Variants in COL7A1 observed in about 807,000 individuals in gnomAD.
COL7A1 encodes the protein collagen type VII alpha 1 chain.
COL7A1 carries 296 observed loss-of-function variants against 456.2 expected under a neutral mutation model. The observed-to-expected ratio is 0.65, with a 90% confidence interval of 0.59 to 0.71. The LOEUF is 0.71. Ranked by LOEUF, COL7A1 falls within the 30% of genes least tolerant of loss-of-function variation. The pLI is 0.00. For missense variants in COL7A1, 3,441 were observed against 4,017.2 expected (o/e 0.86, Z 3.88); for synonymous variants, 1,464 against 1,525.9 (o/e 0.96, Z 0.95).
Position 48,568,700 on chromosome 3 carries a change from C to T in COL7A1, c.7758+84G>A. On this transcript the variant is annotated intron_variant, in intron 104 of 118. Transcript: ENST00000681320. The surrounding 1 kb of genome is among the most constrained non-coding windows in gnomAD (Gnocchi z 5.2). ...GCAGCAAGGGAGCCAGAACCCCCAG[C>T]ACTTAAGAGGACCCCCAGGATATGT... 6.7e-7 allele frequency: 1 copy of T among 1,499,950 alleles called. No homozygotes were observed. Among genetic ancestry groups the T allele is most frequent in the Admixed American group, 2.0e-5 (1 of 50,898 alleles). The allele number at this position is 1,499,950 out of a possible 1,614,324, so 92.9% of individuals were successfully genotyped here.
Position 48,586,124 on chromosome 3 carries a change from C to T in COL7A1, c.3673G>A (p.Ala1225Thr). Residue 1225 changes from alanine (A) to threonine (T), a missense_variant, in exon 28 of 119, where the codon GCA becomes ACA. This residue lies in a region of COL7A1 where 2,084 missense variants were observed against 2,501.3 expected (regional missense o/e 0.83). Coordinates refer to ENST00000681320, the MANE Select transcript of COL7A1 (RefSeq NM_000094.4). This position sits in a 1 kb window ranked among gnomAD's most constrained non-coding sequence, Gnocchi z 5.1. ...AVDDGPSLDQ[A>T]VSGLATALCQ... The stretch of plus-strand genomic sequence containing the variant: ...AGGGCTGTGGCCAGACCACTGACTG[C>T]CTGGTCCAGGCTTGGCCCATCATCC... 1.9e-6 allele frequency: 3 copies of T among 1,613,530 alleles called. No homozygotes were observed. Among genetic ancestry groups the T allele is most frequent in the Non-Finnish European group, 2.5e-6 (3 of 1,180,032 alleles).
chr3:48,577,841 G>A (rs2107688352), intron 65 of COL7A1, among the ~76,000 whole-genome samples: 1 of 152,332 alleles, frequency 6.6e-6, no homozygotes, highest in South Asian at 2.1e-4. Flanking sequence ...AACTCCCTAT[G>A]TGTCTGTGAG....
At position 48,565,596 on chromosome 3, in the gene COL7A1, C is replaced by T. The variant is rs1214211333; in HGVS notation, c.8440+40G>A. On this transcript the variant is annotated intron_variant, in intron 115 of 118. Coordinates refer to ENST00000681320, the MANE Select transcript of COL7A1 (RefSeq NM_000094.4). The surrounding 1 kb of genome is among the most constrained non-coding windows in gnomAD (Gnocchi z 4.5). ...ACCCCAGTTGATAGGCAGGGCAGGG[C>T]CTGGGGTGAAGAAAGTTCTGGGAGT... 5 of 1,613,950 alleles carry T rather than the reference C, an allele frequency of 3.1e-6. No homozygotes were observed. The highest frequency in any genetic ancestry group is 2.5e-6 in the Non-Finnish European group (3 of 1,179,988).
At position 48,589,636 on chromosome 3, in the gene COL7A1, G is replaced by A. The variant is rs934402491; in HGVS notation, c.2133C>T (p.Gly711=). ...SVTITWTRVP[G]ATGYRVSWHS... is the part of the protein sequence containing the mutation. ...GCCAGGAAACCCTGTATCCTGTGGC[G>A]CCAGGAACCCTGGTCCAGGTAATGG... The change falls in exon 17 of 119, where the codon GGC becomes GGT. Residue 711 remains glycine, a synonymous_variant. Coordinates refer to ENST00000681320, the MANE Select transcript of COL7A1 (RefSeq NM_000094.4). The A allele has an allele frequency of 1.1e-5, 17 of 1,613,714 alleles. No individual in the cohort carries two copies. Among genetic ancestry groups the A allele is most frequent in the Admixed American group, 1.7e-5 (1 of 59,980 alleles).
In COL7A1 at chr3:48,586,318, A is replaced by T. The variant is rs756995907; in HGVS notation, c.3550+14T>A. The T allele has an allele frequency of 4.2e-5, 68 of 1,613,706 alleles. No homozygotes were observed. The highest frequency in any genetic ancestry group is 5.8e-5 in the Non-Finnish European group (68 of 1,179,968). On this transcript the variant is annotated intron_variant, in intron 27 of 118. Transcript: ENST00000681320. This position sits in a 1 kb window ranked among gnomAD's most constrained non-coding sequence, Gnocchi z 5.1. ...CCTATTCCCAGACCCCTTCCCCATCAGCCTACTCCTTACCAGAAGCCTGGG... is the reference window on the plus strand; with the variant it reads ...CCTATTCCCAGACCCCTTCCCCATCTGCCTACTCCTTACCAGAAGCCTGGG...
rs1189282483 is a variant in COL7A1, at chr3:48,578,524, A to C, written c.5425-9T>G. 2 of 1,611,326 alleles carry C rather than the reference A, an allele frequency of 1.2e-6. No individual in the cohort carries two copies. The highest frequency in any genetic ancestry group is 2.2e-5 in the South Asian group (2 of 90,996). On this transcript the variant is annotated splice_polypyrimidine_tract_variant and intron_variant, in intron 63 of 118. Transcript: ENST00000681320. The surrounding 1 kb of genome is among the most constrained non-coding windows in gnomAD (Gnocchi z 4.7). ...CGGAGGCCTGGAAGCCCCTGGAAAAAGTCTTTGTTAAGATTTATAGGGCCT... is the reference window on the plus strand; with the variant it reads ...CGGAGGCCTGGAAGCCCCTGGAAAACGTCTTTGTTAAGATTTATAGGGCCT...
Position 48,574,495 on chromosome 3 carries a change from C to T in COL7A1, c.6449G>A (p.Gly2150Asp), listed in dbSNP as rs2107668597. 1 of 1,614,080 alleles carries T rather than the reference C, an allele frequency of 6.2e-7. No homozygotes were observed. The highest frequency in any genetic ancestry group is 8.5e-7 in the Non-Finnish European group (1 of 1,180,024). ...TGTTGGGCAAGGACTTACCGGGTTG[C>T]CGTCCTGACCCCTCGGTCCAGGCTC... ...RGEPGPRGQD[G>D]NPGLPGERGM... The change falls in exon 79 of 119, where the codon GGC (glycine) becomes GAC (aspartate). Residue 2150 changes from glycine to aspartate, a missense_variant. Around this residue, in one of 3 missense-constraint regions of COL7A1, gnomAD observed 2,084 missense variants for 2,501.3 expected, o/e 0.83. Coordinates refer to ENST00000681320, the MANE Select transcript of COL7A1 (RefSeq NM_000094.4). The surrounding 1 kb of genome is among the most constrained non-coding windows in gnomAD (Gnocchi z 5.0).
In COL7A1 at chr3:48,574,488, CG is replaced by C; in HGVS notation, c.6455del (p.Pro2152ArgfsTer54). ...EPGPRGQDGN[P>X]GLPGERGMAG... ...GTGTGGCTGTTGGGCAAGGACTTAC[CG>C]GGTTGCCGTCCTGACCCCTCGGTCC... On this transcript the variant is annotated frameshift_variant and splice_region_variant, in exon 79 of 119. Coordinates refer to ENST00000681320, the MANE Select transcript of COL7A1 (RefSeq NM_000094.4). LOFTEE classifies it high-confidence loss of function. The surrounding 1 kb of genome is among the most constrained non-coding windows in gnomAD (Gnocchi z 5.0). 6.2e-7 allele frequency: 1 copy of C among 1,614,106 alleles called. No homozygotes were observed. The highest frequency in any genetic ancestry group is 8.5e-7 in the Non-Finnish European group (1 of 1,180,022).
chr3:48,571,458 CACAG>C lies in COL7A1; in HGVS notation c.7069-184_7069-181del, dbSNP rs1213267309. On this transcript the variant is annotated intron_variant, in intron 92 of 118. Coordinates refer to ENST00000681320, the MANE Select transcript of COL7A1 (RefSeq NM_000094.4). This position sits in a 1 kb window ranked among gnomAD's most constrained non-coding sequence, Gnocchi z 4.6. Reference sequence around the variant, plus strand: ...ATGACCATGGCCTATCTCAGGACAGCACAGACAGAGGGACGCTCAGATACTACCA... The same window carrying C: ...ATGACCATGGCCTATCTCAGGACAGCACAGAGGGACGCTCAGATACTACCA... The C allele has an allele frequency of 1.3e-6, 1 of 778,966 alleles. No homozygotes were observed. The highest frequency in any genetic ancestry group is 2.3e-6 in the Non-Finnish European group (1 of 442,432). 48.3% of individuals were successfully genotyped at this position (778,966 alleles called of 1,614,324 possible).
In COL7A1 at chr3:48,582,338, C is replaced by T. The variant is rs1352149013; in HGVS notation, c.4620G>A (p.Gly1540=). Reference sequence around the variant, plus strand: ...CGTCACTCACCACCACTGCAGGGTCCCCAGGGCGACCAGGCTCCCCCTGTG... The same window carrying T: ...CGTCACTCACCACCACTGCAGGGTCTCCAGGGCGACCAGGCTCCCCCTGTG... ...QGEKGEPGRP[G]DPAVVGPAVA... Residue 1540 remains glycine, a synonymous_variant, in exon 47 of 119, where the codon GGG becomes GGA. Coordinates refer to ENST00000681320, the MANE Select transcript of COL7A1 (RefSeq NM_000094.4). The T allele has an allele frequency of 6.2e-7, 1 of 1,613,972 alleles. No homozygotes were observed.
Position 48,565,434 on chromosome 3 carries a change from G to C in COL7A1, c.8503C>G (p.Arg2835Gly). The C allele has an allele frequency of 2.5e-6, 4 of 1,612,324 alleles. No homozygotes were observed. The highest frequency in any genetic ancestry group is 3.4e-6 in the Non-Finnish European group (4 of 1,179,250). ...GSQLHAVPVL[R>G]VSHAEEEERV... The stretch of plus-strand genomic sequence containing the variant: ...CCTTCCTCCTCTGCATGAGAGACGC[G>C]GAGCACAGGCACAGCATGGAGCTGG... Residue 2835 changes from arginine to glycine, a missense_variant, in exon 116 of 119, where the codon CGC (arginine) becomes GGC (glycine). Transcript: ENST00000681320. The surrounding 1 kb of genome is among the most constrained non-coding windows in gnomAD (Gnocchi z 4.5).
chr3:48,584,544 G>T lies in COL7A1; in HGVS notation c.4060C>A (p.Gln1354Lys), dbSNP rs2045076512. Reference sequence around the variant, plus strand: ...CCAGGTCCTTCACCTCCGATGACTTGTCCGGGAGCCCCCTGTAAGGACAGA... The same window carrying T: ...CCAGGTCCTTCACCTCCGATGACTTTTCCGGGAGCCCCCTGTAAGGACAGA... ...GPKGEPGAPG[Q>K]VIGGEGPGLP... Residue 1354 changes from glutamine (Q) to lysine (K), a missense_variant, in exon 36 of 119, where the codon CAA becomes AAA. Gln to Lys is a moderately conservative substitution (Grantham distance 53, BLOSUM62 1). Around this residue, in one of 3 missense-constraint regions of COL7A1, gnomAD observed 2,084 missense variants for 2,501.3 expected, o/e 0.83. Coordinates refer to ENST00000681320, the MANE Select transcript of COL7A1 (RefSeq NM_000094.4). The T allele has an allele frequency of 6.2e-7, 1 of 1,614,070 alleles. No individual in the cohort carries two copies. Among genetic ancestry groups the T allele is most frequent in the Non-Finnish European group, 8.5e-7 (1 of 1,180,000 alleles).
At position 48,570,006 on chromosome 3, in the gene COL7A1, G is replaced by C. The variant is rs979016936; in HGVS notation, c.7486-91C>G. On this transcript the variant is annotated intron_variant, in intron 99 of 118. Transcript: ENST00000681320. This position sits in a 1 kb window ranked among gnomAD's most constrained non-coding sequence, Gnocchi z 5.5. ...GGGAGGAGGGAAACAGTGGGGACCA[G>C]ACAAAGGGGACAGGGGTAGACGAGG... The C allele has an allele frequency of 4.4e-6, 7 of 1,598,478 alleles. No individual in the cohort carries two copies. The African/African-American group carries it at 8.0e-5, about 18-fold the overall frequency.
At position 48,583,382 on chromosome 3, in the gene COL7A1, C is replaced by T. The variant is rs754008525; in HGVS notation, c.4437+11G>A. The T allele has an allele frequency of 6.2e-7, 1 of 1,614,112 alleles. No individual in the cohort carries two copies. The highest frequency in any genetic ancestry group is 8.5e-7 in the Non-Finnish European group (1 of 1,179,946). On this transcript the variant is annotated intron_variant, in intron 42 of 118. Coordinates refer to ENST00000681320, the MANE Select transcript of COL7A1 (RefSeq NM_000094.4). The surrounding 1 kb of genome is among the most constrained non-coding windows in gnomAD (Gnocchi z 5.1). ...CACCCCTCACACCTGAATCCCCCAA[C>T]TGGTACTCACTTTGGGGCCAATAGC...
Position 48,565,352 on chromosome 3 carries a change from A to G in COL7A1, c.8527+58T>C. On this transcript the variant is annotated intron_variant, in intron 116 of 118. Transcript: ENST00000681320. The surrounding 1 kb of genome is among the most constrained non-coding windows in gnomAD (Gnocchi z 4.5). The stretch of plus-strand genomic sequence containing the variant: ...TGGCGTGTGCCCTGCATTCATGGAC[A>G]CCCATGTGCGTGTCTCGGCCCCACC... 2 of 1,551,094 alleles carry G rather than the reference A, an allele frequency of 1.3e-6. No homozygotes were observed. Among genetic ancestry groups the G allele is most frequent in the Non-Finnish European group, 1.8e-6 (2 of 1,141,038 alleles).
At position 48,566,234 on chromosome 3, in the gene COL7A1, G is replaced by A. The variant is rs1219005159; in HGVS notation, c.8407+33C>T. On this transcript the variant is annotated intron_variant, in intron 114 of 118. Transcript: ENST00000681320. The surrounding 1 kb of genome is among the most constrained non-coding windows in gnomAD (Gnocchi z 5.9). ...CTGCCCTTGCCTAGGGTGCTGGGGT[G>A]GAGTGGGAGACTGCGGGCTGGGCAC... The A allele has an allele frequency of 3.2e-6, 5 of 1,586,064 alleles. No homozygotes were observed. The highest frequency in any genetic ancestry group is 2.7e-5 in the African/African-American group (2 of 74,782).
chr3:48,594,604 C>G lies in COL7A1; in HGVS notation c.86-56G>C. 1 of 1,527,116 alleles carries G rather than the reference C, an allele frequency of 6.5e-7. No individual in the cohort carries two copies. The highest frequency in any genetic ancestry group is 8.8e-7 in the Non-Finnish European group (1 of 1,136,484). 94.6% of individuals were successfully genotyped at this position (1,527,116 alleles called of 1,614,324 possible). Reference sequence around the variant, plus strand: ...TCTGGGAGGCCAACCACCCGCCTACCCGCACGGTGGCCTCACTGGGACTTG... The same window carrying G: ...TCTGGGAGGCCAACCACCCGCCTACGCGCACGGTGGCCTCACTGGGACTTG... On this transcript the variant is annotated intron_variant, in intron 2 of 118. Transcript: ENST00000681320. The surrounding 1 kb of genome is among the most constrained non-coding windows in gnomAD (Gnocchi z 5.5).
Position 48,576,765 on chromosome 3 carries a change from C to T in COL7A1, c.5611G>A (p.Asp1871Asn), listed in dbSNP as rs753864333. 7 of 1,613,380 alleles carry T rather than the reference C, an allele frequency of 4.3e-6. No individual in the cohort carries two copies. The East Asian group carries it at 1.3e-4, about 31-fold the overall frequency. The change falls in exon 68 of 119, where the codon GAT becomes AAT. Residue 1871 changes from aspartate (D) to asparagine (N), a missense_variant. Asp to Asn is a conservative substitution (Grantham distance 23). Transcript: ENST00000681320. Reference protein sequence around the residue: ...DSGASGREGRDGPKGERGAPG... With the variant: ...DSGASGREGRNGPKGERGAPG... ...GCTCCACGCTCACCCTTGGGGCCATCACGACCCTGTGAAGGATGCAGCCAG... is the reference window on the plus strand; with the variant it reads ...GCTCCACGCTCACCCTTGGGGCCATTACGACCCTGTGAAGGATGCAGCCAG...
rs369227658 is a variant in COL7A1, at chr3:48,572,105, C to T, written c.7023+22G>A. 2.8e-4 allele frequency: 454 copies of T among 1,613,832 alleles called. No individual in the cohort carries two copies. The highest frequency in any genetic ancestry group is 3.5e-4 in the Non-Finnish European group (416 of 1,179,946). On this transcript the variant is annotated intron_variant, in intron 91 of 118. Transcript: ENST00000681320. The surrounding 1 kb of genome is among the most constrained non-coding windows in gnomAD (Gnocchi z 4.6). ...GAGCCTTCTCTGCTCAGTAGTCAGG[C>T]CCCAGGGCCAACCCACCTCACCTTC...
Sources: gnomAD v4.1 joint callset for allele counts (sites outside exome capture counted in the v4.1 genomes callset) on GRCh38, gnomAD v4.1.1 for gene constraint, gnomAD v4.1.1 regional missense constraint, Gnocchi (gnomAD v3.1) non-coding constraint, MANE v1.5 for transcripts, NCBI Gene and HGNC (gene_info 2026-07-23, HGNC 2026-07-21) for gene names.